Variants in BCAS3 observed in about 807,000 individuals in gnomAD.
BCAS3 encodes the protein BCAS4/BCAS3 fusion.
BCAS3 carries 53 observed loss-of-function variants against 116.1 expected under a neutral mutation model. The observed-to-expected ratio is 0.46, with a 90% confidence interval of 0.37 to 0.57. The LOEUF (loss-of-function observed/expected upper bound fraction) is 0.57, where lower values mean the gene tolerates loss of function less well. BCAS3 is among the 20% of genes least tolerant of loss of function. The pLI is 0.00. For synonymous variants in BCAS3, 391 were observed against 408.2 expected (o/e 0.96, Z 0.51); for missense variants, 917 against 1,165.4 (o/e 0.79, Z 3.10).
chr17:61,253,511 G>A (rs886706087), intron 22 of BCAS3, among the ~76,000 whole-genome samples: 1 of 151,986 alleles, frequency 6.6e-6, no homozygotes, highest in African/African-American at 2.4e-5. Context: ...ACTATCATCT[G>A]TCTTATTGCT....
At chr17:61,190,935 A>T (rs891328972) in intron 22 of BCAS3, among the ~76,000 whole-genome samples, 13 of 152,208 alleles carry the variant, frequency 8.5e-5, no homozygotes, top group Admixed American at 6.5e-5. Flanking sequence ...GCTGGGTGTG[A>T]TGGCATATGC....
rs533153759 is a variant in BCAS3, at chr17:61,252,880, C to G, written c.2426-115447C>G. Among the ~76,000 whole-genome samples, 4 of 79,616 alleles carry G rather than the reference C, an allele frequency of 5.0e-5. No individual in the cohort carries two copies. The East Asian group carries it at 1.5e-3, about 29-fold the overall frequency. The allele number at this position is 79,616 out of a possible 152,430, so 52.2% of individuals were successfully genotyped here. A position where few individuals can be genotyped will look rare whatever the true frequency, so the allele number is the denominator to read the frequency against. On this transcript the variant is annotated intron_variant, in intron 22 of 23. Transcript: ENST00000407086. Reference sequence around the variant, plus strand: ...AGCTGTCCAGTAATCTGTTCCTATACATTTTTTTTTTTTTTTTGAGATGGA... The same window carrying G: ...AGCTGTCCAGTAATCTGTTCCTATAGATTTTTTTTTTTTTTTTGAGATGGA...
At chr17:60,727,202 C>T in intron 5 of BCAS3, 1 of 916,022 alleles carries the variant, frequency 1.1e-6, no homozygotes, top group Non-Finnish European at 1.8e-6. Flanking sequence ...CTTCTTATCT[C>T]CTCCCGGTTC....
intron 6 of BCAS3, among the ~76,000 whole-genome samples, chr17:60,794,467 G>A (rs182108806): frequency 3.1e-4 from 47 of 152,284 alleles, no homozygotes; most frequent in Admixed American, 2.6e-4. Flanking sequence ...TCTTGGTCAT[G>A]ATATCTTGCC....
Position 60,973,586 on chromosome 17 carries a change from A to T in BCAS3, c.1222-16385A>T, listed in dbSNP as rs12942242. 9.7e-3 allele frequency among the ~76,000 whole-genome samples: 1,337 copies of T among 137,654 alleles called. 14 individuals carry two copies. Among genetic ancestry groups the T allele is most frequent in the Non-Finnish European group, 0.011 (747 of 65,154 alleles). The allele number at this position is 137,654 out of a possible 152,430, so 90.3% of individuals were successfully genotyped here. Reference sequence around the variant, plus strand: ...TAGACATTGCTATTACCTTATTATTAATATATATATATATATATATATGTA... The same window carrying T: ...TAGACATTGCTATTACCTTATTATTTATATATATATATATATATATATGTA... On this transcript the variant is annotated intron_variant, in intron 14 of 23. Transcript: ENST00000407086.
chr17:61,207,405 T>C (rs771626427), intron 22 of BCAS3, among the ~76,000 whole-genome samples: 45 of 152,162 alleles, frequency 3.0e-4, no homozygotes, highest in Non-Finnish European at 8.8e-5. Context: ...TATTCTTTGA[T>C]AGATGAGGAA....
intron 22 of BCAS3, among the ~76,000 whole-genome samples, chr17:61,194,892 A>G (rs1212558461): frequency 6.6e-6 from 1 of 152,176 alleles, no homozygotes; most frequent in African/African-American, 2.4e-5. Flanking sequence ...CAGTTCTTCT[A>G]TTCTGACCCC....
chr17:60,892,730 G>A (rs922744839), intron 10 of BCAS3, among the ~76,000 whole-genome samples: 1 of 152,030 alleles, frequency 6.6e-6, no homozygotes, highest in African/African-American at 2.4e-5. Context: ...AGACCAGCCT[G>A]GCCAACATAG....
At chr17:60,816,231 T>A (rs137997712) in intron 7 of BCAS3, among the ~76,000 whole-genome samples, 1 of 152,220 alleles carries the variant, frequency 6.6e-6, no homozygotes, top group East Asian at 1.9e-4. Context: ...CTTGGGAAAA[T>A]TCACTAAGAT....
chr17:61,235,152 G>T lies in BCAS3; in HGVS notation c.2426-133175G>T, dbSNP rs2082937514. 1.3e-5 allele frequency among the ~76,000 whole-genome samples: 2 copies of T among 152,202 alleles called. No individual in the cohort carries two copies. The highest frequency in any genetic ancestry group is 4.1e-4 in the South Asian group (2 of 4,828). The stretch of plus-strand genomic sequence containing the variant: ...TCCGCCCACTTCGGTCTTCCAAAGT[G>T]CTGGGATTATAGGCGTGAACCACCA... On this transcript the variant is annotated intron_variant, in intron 22 of 23. Transcript: ENST00000407086. The surrounding 1 kb of genome is among the most constrained non-coding windows in gnomAD (Gnocchi z 5.0).
intron 13 of BCAS3, among the ~76,000 whole-genome samples, chr17:60,926,810 TG>T (rs1228241155): frequency 8.5e-5 from 13 of 152,082 alleles, no homozygotes; most frequent in Admixed American, 7.2e-4. Context: ...ATATAAAGAG[TG>T]TTGTAGTCGT....
chr17:61,344,333 C>A lies in BCAS3; in HGVS notation c.2426-23994C>A, dbSNP rs1024553548. ...GAGACATGGGCCTCTTCAACCAAGT[C>A]TCTGGGTCTTCTTGTCAAGACTAAT... On this transcript the variant is annotated intron_variant, in intron 22 of 23. Coordinates refer to ENST00000407086, the MANE Select transcript of BCAS3 (RefSeq NM_017679.5). The surrounding 1 kb of genome is among the most constrained non-coding windows in gnomAD (Gnocchi z 4.1). 3.3e-5 allele frequency among the ~76,000 whole-genome samples: 5 copies of A among 152,170 alleles called. No individual in the cohort carries two copies. The highest frequency in any genetic ancestry group is 2.0e-4 in the Admixed American group (3 of 15,278).
At chr17:60,726,818 G>A (rs1223645076) in intron 5 of BCAS3, among the ~76,000 whole-genome samples, 1 of 152,066 alleles carries the variant, frequency 6.6e-6, no homozygotes, top group African/African-American at 2.4e-5. Flanking sequence ...CAAGAGGGAG[G>A]AGTTTTAACA....
chr17:61,271,444 G>GTTTTTTTTTTT (rs2050255480), intron 22 of BCAS3, among the ~76,000 whole-genome samples: 1 of 1,190 alleles, frequency 8.4e-4, no homozygotes, highest in Non-Finnish European at 3.6e-3. Flanking sequence ...TTTTGTCTTA[G>GTTTTTTTTTTT]GTGGAGTCTC....
At chr17:60,879,827 C>G (rs898481016) in intron 9 of BCAS3, among the ~76,000 whole-genome samples, 21 of 152,252 alleles carry the variant, frequency 1.4e-4, no homozygotes, top group Middle Eastern at 3.4e-3. Flanking sequence ...CTTTAAAATG[C>G]AAAATTATCT....
chr17:61,322,802 G>GAC (rs1568850114), intron 22 of BCAS3, among the ~76,000 whole-genome samples: 1 of 125,398 alleles, frequency 8.0e-6, no homozygotes, highest in African/African-American at 3.4e-5. Context: ...GACAGAGAGA[G>GAC]AGAGAGAGAG....
chr17:60,693,873 T>C (rs540910991), intron 4 of BCAS3, among the ~76,000 whole-genome samples: 1 of 150,664 alleles, frequency 6.6e-6, no homozygotes, highest in African/African-American at 2.5e-5. Context: ...ATTTTAACCA[T>C]TAAAAATTTT....
rs1235230137 is a variant in BCAS3 at position 61,259,224 on chromosome 17, T to G, written c.2426-109103T>G. 6.6e-6 allele frequency among the ~76,000 whole-genome samples: 1 copy of G among 152,206 alleles called. No homozygotes were observed. Among genetic ancestry groups the G allele is most frequent in the African/African-American group, 2.4e-5 (1 of 41,458 alleles). On this transcript the variant is annotated intron_variant, in intron 22 of 23. Transcript: ENST00000407086. The surrounding 1 kb of genome is among the most constrained non-coding windows in gnomAD (Gnocchi z 4.7). ...TATCATCATTACTTGTATTTACATTTTTATTTTGAAAGAGCATGGGGAGTG... is the reference window on the plus strand; with the variant it reads ...TATCATCATTACTTGTATTTACATTGTTATTTTGAAAGAGCATGGGGAGTG...
At chr17:61,025,547 T>C (rs900352111) in intron 16 of BCAS3, among the ~76,000 whole-genome samples, 3 of 152,112 alleles carry the variant, frequency 2.0e-5, no homozygotes, top group Non-Finnish European at 4.4e-5. Context: ...TGTGTACTCG[T>C]GCACATACCA....
Sources: allele counts gnomAD v4.1 joint callset (sites outside exome capture counted in the v4.1 genomes callset), GRCh38; gene constraint gnomAD v4.1.1; non-coding constraint Gnocchi (gnomAD v3.1); transcripts MANE v1.5; gene names NCBI Gene and HGNC (gene_info 2026-07-23, HGNC 2026-07-21).